KLRG2: variants seen among roughly 807,000 people sequenced by gnomAD.
The protein encoded by KLRG2 is killer cell lectin-like receptor subfamily G member 2.
A neutral mutation model predicts 35.4 loss-of-function variants in KLRG2; 39 were observed. The observed-to-expected ratio is 1.10, with a 90% CI of 0.85 to 1.44. KLRG2 has a LOEUF of 1.44. KLRG2 is among the 40% of genes most tolerant of loss of function. KLRG2 has a pLI of 0.00. For missense variants in KLRG2, 632 were observed against 570.9 expected (o/e 1.11, Z -1.09); for synonymous variants, 283 against 265.8 (o/e 1.06, Z -0.63).
At chr7:139,437,356 C>T in the KLRG2 span, among the ~76,000 whole-genome samples, 2 of 139,548 alleles carry the variant, frequency 1.4e-5, no homozygotes, top group East Asian at 4.4e-4. Flanking sequence ...ACCCAGGAGA[C>T]GGTGGTTGCA....
the KLRG2 span, among the ~76,000 whole-genome samples, chr7:139,438,233 TTTTA>T: frequency 6.6e-6 from 1 of 152,170 alleles, no homozygotes; most frequent in Non-Finnish European, 1.5e-5. Context: ...AGAAATGCAG[TTTTA>T]TTTATTTTTG....
At chr7:139,472,772 T>C (rs186394138) in intron 3 of KLRG2, among the ~76,000 whole-genome samples, 4 of 152,134 alleles carry the variant, frequency 2.6e-5, no homozygotes, top group Non-Finnish European at 5.9e-5. Context: ...GCTTAAGTAT[T>C]AGAGACAACA....
intron 3 of KLRG2, among the ~76,000 whole-genome samples, chr7:139,464,855 C>T (rs1020368404): frequency 3.9e-5 from 6 of 152,218 alleles, no homozygotes; most frequent in Non-Finnish European, 8.8e-5. Context: ...GTTCTCATAA[C>T]TTCCAAAATC....
At chr7:139,443,977 G>T in the KLRG2 span, among the ~76,000 whole-genome samples, 1 of 152,164 alleles carries the variant, frequency 6.6e-6, no homozygotes, top group South Asian at 2.1e-4. Context: ...GTGGCCAAAG[G>T]CCTGAGAGCC....
the KLRG2 span, among the ~76,000 whole-genome samples, chr7:139,443,611 G>A: frequency 6.6e-6 from 1 of 151,966 alleles, no homozygotes; most frequent in African/African-American, 2.4e-5. Flanking sequence ...GCCCAGGCTG[G>A]AGTGCAATGG....
intron 3 of KLRG2, among the ~76,000 whole-genome samples, chr7:139,459,531 G>A (rs6961324): frequency 0.011 from 1,604 of 152,214 alleles, 31 homozygotes; most frequent in African/African-American, 0.032. Context: ...AGCCTGGGGT[G>A]CTTTCTTTGC....
the KLRG2 span, among the ~76,000 whole-genome samples, chr7:139,431,512 A>G: frequency 6.6e-6 from 1 of 151,924 alleles, no homozygotes; most frequent in Non-Finnish European, 1.5e-5. Context: ...CAGAATTACC[A>G]GGAAAATTGG....
At chr7:139,482,271 C>T (rs1423938300) in intron 1 of KLRG2, among the ~76,000 whole-genome samples, 3 of 152,238 alleles carry the variant, frequency 2.0e-5, no homozygotes, top group Non-Finnish European at 4.4e-5. Context: ...GCCACCTGAT[C>T]CTGAATGACT....
chr7:139,455,190 C>T lies in KLRG2; in HGVS notation c.1006-976G>A, dbSNP rs189218356. ...TGCACCACCACACCCAGGTAATTTT[C>T]GTATTTTTAGTAGGGAAGGGTTTTG... On this transcript the variant is annotated intron_variant, in intron 3 of 4. Transcript: ENST00000340940. Among the ~76,000 whole-genome samples, 558 of 151,490 alleles carry T rather than the reference C, an allele frequency of 3.7e-3. 5 individuals are homozygous for T. The highest frequency in any genetic ancestry group is 0.019 in the South Asian group (93 of 4,780).
At chr7:139,478,107 A>G (rs1451467091) in intron 3 of KLRG2, among the ~76,000 whole-genome samples, 1 of 149,794 alleles carries the variant, frequency 6.7e-6, no homozygotes, top group African/African-American at 2.4e-5. Context: ...AGTGGCTCAC[A>G]CCTGTAATCC....
the KLRG2 span, among the ~76,000 whole-genome samples, chr7:139,428,342 CAAGT>C: frequency 1.3e-5 from 2 of 152,098 alleles, no homozygotes; most frequent in Non-Finnish European, 2.9e-5. Context: ...CTCCTGGACT[CAAGT>C]AATCCTCCTG....
At chr7:139,441,234 A>T in the KLRG2 span, among the ~76,000 whole-genome samples, 1 of 152,254 alleles carries the variant, frequency 6.6e-6, no homozygotes, top group African/African-American at 2.4e-5. Context: ...AATGTCTATC[A>T]ATAATAGACT....
chr7:139,465,076 A>T (rs1389335546), intron 3 of KLRG2, among the ~76,000 whole-genome samples: 1 of 152,132 alleles, frequency 6.6e-6, no homozygotes, highest in African/African-American at 2.4e-5. Flanking sequence ...CACTTGGTTT[A>T]TTGATAGCAG....
Position 139,483,289 on chromosome 7 carries a change from G to A in KLRG2, c.354C>T (p.Ala118=), listed in dbSNP as rs777850500. 1.9e-6 allele frequency: 3 copies of A among 1,558,218 alleles called. No homozygotes were observed. Among genetic ancestry groups the A allele is most frequent in the Non-Finnish European group, 2.6e-6 (3 of 1,163,668 alleles). The part of the protein sequence containing the change: ...EAPGAEPAPS[A]WAPMELQVDV... ...CTACCTGCAGCTCCATGGGCGCCCA[G>A]GCGCTGGGCGCAGGCTCAGCCCCGG... Residue 118 remains alanine (A), a synonymous_variant, in exon 1 of 5, where the codon GCC becomes GCT. Transcript: ENST00000340940.
At chr7:139,468,435 C>G (rs1281247222) in intron 3 of KLRG2, among the ~76,000 whole-genome samples, 3 of 152,194 alleles carry the variant, frequency 2.0e-5, no homozygotes, top group Non-Finnish European at 4.4e-5. Context: ...ATAAGCTCCC[C>G]AACTGAGCAC....
chr7:139,434,522 T>A, the KLRG2 span, among the ~76,000 whole-genome samples: 5 of 152,218 alleles, frequency 3.3e-5, no homozygotes, highest in African/African-American at 1.2e-4. Context: ...GCAGTATGGA[T>A]TCCTTGTGGC....
intron 3 of KLRG2, among the ~76,000 whole-genome samples, chr7:139,462,428 G>T (rs141851864): frequency 8.6e-5 from 13 of 151,210 alleles, no homozygotes; most frequent in African/African-American, 2.7e-4. Flanking sequence ...CACTGTCCTG[G>T]GGGGCAAGCA....
At chr7:139,454,838 AATAATAATAAT>A (rs1796436720) in intron 3 of KLRG2, among the ~76,000 whole-genome samples, 1 of 78,400 alleles carries the variant, frequency 1.3e-5, no homozygotes, top group South Asian at 3.8e-4. Context: ...TAATAATAAT[AATAATAATAAT>A]AATAATAATA....
At chr7:139,464,265 G>A (rs1202419109) in intron 3 of KLRG2, among the ~76,000 whole-genome samples, 2 of 151,988 alleles carry the variant, frequency 1.3e-5, no homozygotes, top group African/African-American at 2.4e-5. Flanking sequence ...CCCATACCCC[G>A]CTAAACGCCA....
Sources: gnomAD v4.1 joint callset for allele counts (sites outside exome capture counted in the v4.1 genomes callset) on GRCh38, gnomAD v4.1.1 for gene constraint, MANE v1.5 for transcripts, NCBI Gene and HGNC (gene_info 2026-07-23, HGNC 2026-07-21) for gene names.